The following ZNF160 variants were observed in gnomAD, a reference collection of about 807,000 sequenced individuals.
The protein encoded by ZNF160 is KRAB zinc finger protein KR18.
ZNF160 carries 9 observed loss-of-function variants against 13.1 expected under a neutral mutation model. The observed-to-expected ratio is 0.69, with a 90% CI of 0.41 to 1.20. The LOEUF is 1.20. ZNF160 is among the 50% of genes most tolerant of loss of function. The pLI is 0.01. For synonymous variants in ZNF160, 293 were observed against 333.2 expected (o/e 0.88, Z 1.31); for missense variants, 838 against 988.0 (o/e 0.85, Z 2.04).
chr19:53,076,458 G>A (rs926212139), intron 3 of ZNF160, among the ~76,000 whole-genome samples: 3 of 152,124 alleles, frequency 2.0e-5, no homozygotes, highest in African/African-American at 7.2e-5. Flanking sequence ...TGGCCAACAT[G>A]GTGAAACCTG....
rs888210330 is a variant in ZNF160 at position 53,069,841 on chromosome 19, C to T, written c.693G>A (p.Arg231=). Residue 231 remains arginine (R), a synonymous_variant, in exon 6 of 6, where the codon AGG becomes AGA. Coordinates refer to ENST00000683776, the MANE Select transcript of ZNF160 (RefSeq NM_001322131.2). The surrounding 1 kb of genome is among the most constrained non-coding windows in gnomAD (Gnocchi z 4.4). The part of the protein sequence containing the change: ...QQIPSSVQTH[R]SKKYHELNHF... ...GGTTAAGTTCATGATATTTTTTAGA[C>T]CTGTGGGTTTGGACACTAGAAGGAA... is the stretch of plus-strand genomic sequence containing the variant. 15 of 1,614,048 alleles carry T rather than the reference C, an allele frequency of 9.3e-6. No individual in the cohort carries two copies. Among genetic ancestry groups the T allele is most frequent in the Non-Finnish European group, 1.2e-5 (14 of 1,180,016 alleles).
At position 53,067,867 on chromosome 19, in the gene ZNF160, T is replaced by C. The variant is rs1019592231; in HGVS notation, c.*210A>G. ...TACATTTGTTTCGTTTCATCAAAGA[T>C]ATAAATCTTGATGCCTAGTAACCTG... On this transcript the variant is annotated 3_prime_UTR_variant, in exon 6 of 6. Transcript: ENST00000683776. The C allele has an allele frequency of 1.7e-6, 1 of 572,778 alleles. No individual in the cohort carries two copies. The highest frequency in any genetic ancestry group is 2.9e-6 in the Non-Finnish European group (1 of 348,960). 35.5% of individuals were successfully genotyped at this position (572,778 alleles called of 1,614,324 possible).
At chr19:53,072,978 T>C (rs2084236420) in intron 5 of ZNF160, 1 of 635,662 alleles carries the variant, frequency 1.6e-6, no homozygotes, top group Admixed American at 6.2e-5. Context: ...TGACAAATTA[T>C]AGTTATATAT....
chr19:53,086,046 C>T, intron 3 of ZNF160: 1 of 1,431,448 alleles, frequency 7.0e-7, no homozygotes, highest in East Asian at 2.5e-5. Context: ...GTGAGCCCTT[C>T]CCAGGACCAT....
intron 4 of ZNF160, among the ~76,000 whole-genome samples, chr19:53,074,751 A>G (rs534967612): frequency 3.2e-4 from 49 of 152,144 alleles, no homozygotes; most frequent in African/African-American, 1.2e-3. Context: ...AGAAGGCTCT[A>G]TTCCACCAAC....
intron 5 of ZNF160, among the ~76,000 whole-genome samples, chr19:53,071,283 G>A (rs2084165540): frequency 6.6e-6 from 1 of 151,998 alleles, no homozygotes; most frequent in African/African-American, 2.4e-5. Flanking sequence ...GGGTGCGGTG[G>A]CTCACACCTG....
At chr19:53,078,341 T>C (rs1407225810) in intron 3 of ZNF160, among the ~76,000 whole-genome samples, 1 of 149,436 alleles carries the variant, frequency 6.7e-6, no homozygotes, top group African/African-American at 2.5e-5. Flanking sequence ...GCCTAGGAGG[T>C]TGAAGGTACA....
chr19:53,097,942 T>A (rs2085297697), intron 1 of ZNF160, among the ~76,000 whole-genome samples: 1 of 152,196 alleles, frequency 6.6e-6, no homozygotes, highest in African/African-American at 2.4e-5. Context: ...AAGCTCCCTC[T>A]GGGCTCAGCT....
chr19:53,067,950 CTCTCA>C lies in ZNF160; in HGVS notation c.*122_*126del, dbSNP rs2084016654. The C allele has an allele frequency of 7.5e-7, 1 of 1,328,626 alleles. No individual in the cohort carries two copies. Among genetic ancestry groups the C allele is most frequent in the Middle Eastern group, 2.8e-4 (1 of 3,628 alleles). The allele number at this position is 1,328,626 out of a possible 1,614,324, so 82.3% of individuals were successfully genotyped here. A position where few individuals can be genotyped will look rare whatever the true frequency, so the allele number is the denominator to read the frequency against. Reference sequence around the variant, plus strand: ...TTACATGATGTCTCTTGCTTATGGCCTCTCATATCTATTAATGCTTCAACTCATGA... The same window carrying C: ...TTACATGATGTCTCTTGCTTATGGCCTATCTATTAATGCTTCAACTCATGA... On this transcript the variant is annotated 3_prime_UTR_variant, in exon 6 of 6. Transcript: ENST00000683776.
At chr19:53,070,352 T>A in intron 5 of ZNF160, 90 bp from the exon 6 acceptor site, 1 of 1,273,082 alleles carries the variant, frequency 7.9e-7, no homozygotes, top group East Asian at 2.6e-5. Context: ...CCAAAAGTAA[T>A]ACTTATATTG....
chr19:53,075,123 C>G lies in ZNF160; in HGVS notation c.76G>C (p.Asp26His). The change falls in exon 4 of 6, where the codon GAC becomes CAC. Residue 26 changes from aspartate to histidine, a missense_variant. By Grantham distance (81) the Asp-to-His change is moderately conservative (BLOSUM62 -1). Around this residue, in one of 3 missense-constraint regions of ZNF160, gnomAD observed 387 missense variants for 402.3 expected, o/e 0.96. Coordinates refer to ENST00000683776, the MANE Select transcript of ZNF160 (RefSeq NM_001322131.2). ...EFSQEEWKCL[D>H]PAQRILYRDV... is the part of the protein sequence containing the mutation. ...CTGTATAAGATCCTCTGAGCAGGGT[C>G]CAGGCATTTCCACTCCTCCTGAGAG... The G allele has an allele frequency of 6.2e-7, 1 of 1,614,160 alleles. No homozygotes were observed. Among genetic ancestry groups the G allele is most frequent in the Non-Finnish European group, 8.5e-7 (1 of 1,180,022 alleles).
chr19:53,073,716 CTT>C (rs1335604052), intron 5 of ZNF160, among the ~76,000 whole-genome samples: 1 of 152,204 alleles, frequency 6.6e-6, no homozygotes, highest in African/African-American at 2.4e-5. Context: ...ATGATAAAGA[CTT>C]TGCCTCTATC....
intron 1 of ZNF160, among the ~76,000 whole-genome samples, chr19:53,102,694 T>C (rs2085490087): frequency 6.6e-6 from 1 of 152,204 alleles, no homozygotes; most frequent in Non-Finnish European, 1.5e-5. Flanking sequence ...GCTCTTTGTC[T>C]CTCTTTCTCC....
Position 53,068,785 on chromosome 19 carries a change from A to G in ZNF160, c.1749T>C (p.His583=). ...GTTTTTCTCCAGTATGAACTCTCCAATGCCTTGCAAGTTGTGATGTTTGAG... is the reference window on the plus strand; with the variant it reads ...GTTTTTCTCCAGTATGAACTCTCCAGTGCCTTGCAAGTTGTGATGTTTGAG... ...VFAQTSQLAR[H]WRVHTGEKPY... Residue 583 remains histidine, a synonymous_variant, in exon 6 of 6, where the codon CAT becomes CAC. Coordinates refer to ENST00000683776, the MANE Select transcript of ZNF160 (RefSeq NM_001322131.2). 1.2e-6 allele frequency: 2 copies of G among 1,612,858 alleles called. No individual in the cohort carries two copies. The highest frequency in any genetic ancestry group is 1.1e-5 in the South Asian group (1 of 91,068).
chr19:53,085,094 C>T, intron 3 of ZNF160: 1 of 893,060 alleles, frequency 1.1e-6, no homozygotes, highest in Non-Finnish European at 1.3e-6. Context: ...GCTGGGATTA[C>T]AGGTGTGAGC....
chr19:53,078,273 A>AGC (rs2084485355), intron 3 of ZNF160, among the ~76,000 whole-genome samples: 1 of 151,878 alleles, frequency 6.6e-6, no homozygotes, highest in South Asian at 2.1e-4. Flanking sequence ...AGCTGGGTGT[A>AGC]GTGGCATGAG....
chr19:53,085,106 A>G, intron 3 of ZNF160: 1 of 948,784 alleles, frequency 1.1e-6, no homozygotes, highest in Non-Finnish European at 1.3e-6. Context: ...GGTGTGAGCC[A>G]CCATGCAGCA....
intron 2 of ZNF160, among the ~76,000 whole-genome samples, chr19:53,088,903 C>T (rs568068312): frequency 3.3e-5 from 5 of 152,302 alleles, no homozygotes; most frequent in Middle Eastern, 3.4e-3. Context: ...ACAGGACTGC[C>T]CTCACTTCAT....
chr19:53,085,191 AG>A (rs2084784845), intron 3 of ZNF160: 1 of 985,320 alleles, frequency 1.0e-6, no homozygotes, highest in Non-Finnish European at 1.2e-6. Flanking sequence ...TGCTCCAACA[AG>A]GATGTAGAAA....
Sources: gnomAD v4.1 joint callset for allele counts (sites outside exome capture counted in the v4.1 genomes callset) on GRCh38, gnomAD v4.1.1 for gene constraint, gnomAD v4.1.1 regional missense constraint, Gnocchi (gnomAD v3.1) non-coding constraint, MANE v1.5 for transcripts, NCBI Gene and HGNC (gene_info 2026-07-23, HGNC 2026-07-21) for gene names.